The following ASXL3 variants were observed in gnomAD, a reference collection of about 807,000 sequenced individuals.
ASXL3 encodes ASXL transcriptional regulator 3, also known as putative Polycomb group protein ASXL3.
In ASXL3, 34 loss-of-function variants were observed where a neutral mutation model predicts 170.6. The ratio of observed to expected loss-of-function variants is 0.20; its 90% CI spans 0.15 to 0.27. The LOEUF is 0.27. Among genes scored for constraint, ASXL3 ranks in the 10% least tolerant of loss-of-function variants. ASXL3 has a pLI of 1.00. For synonymous variants in ASXL3, 1,002 were observed against 989.1 expected (o/e 1.01, Z -0.24); for missense variants, 2,592 against 2,695.3 (o/e 0.96, Z 0.85).
At chr18:33,713,644 G>A (rs1247735453) in intron 8 of ASXL3, among the ~76,000 whole-genome samples, 1 of 152,192 alleles carries the variant, frequency 6.6e-6, no homozygotes, top group African/African-American at 2.4e-5. Flanking sequence ...GTTCTAGGAT[G>A]TCAGCAGTCA....
Position 33,740,434 on chromosome 18 carries a change from C to A in ASXL3, c.3030C>A (p.Pro1010=). The change falls in exon 11 of 12, where the codon CCC becomes CCA. Residue 1010 remains proline (P), a synonymous_variant. Transcript: ENST00000269197. ...EQPPREEPRV[P]PLKIQLSKIG... ...CTCCCAGAGAGGAACCAAGGGTTCC[C>A]CCTCTCAAGGTATGGTATTAAATAA... The A allele has an allele frequency of 1.3e-6, 2 of 1,568,742 alleles. No homozygotes were observed. Among genetic ancestry groups the A allele is most frequent in the Non-Finnish European group, 8.6e-7 (1 of 1,163,692 alleles).
chr18:33,642,823 A>C (rs1399641435), intron 2 of ASXL3, among the ~76,000 whole-genome samples: 1 of 151,934 alleles, frequency 6.6e-6, no homozygotes, highest in South Asian at 2.1e-4. Flanking sequence ...TTAGCTTGCT[A>C]TACCTTAGAA....
intron 4 of ASXL3, among the ~76,000 whole-genome samples, chr18:33,647,620 A>G (rs988464564): frequency 2.0e-5 from 3 of 152,004 alleles, no homozygotes; most frequent in African/African-American, 4.8e-5. Flanking sequence ...TCTTAACTGC[A>G]GTTGCTCCTA....
intron 2 of ASXL3, among the ~76,000 whole-genome samples, chr18:33,621,345 A>T (rs1403540358): frequency 6.6e-6 from 1 of 152,184 alleles, no homozygotes; most frequent in Non-Finnish European, 1.5e-5. Context: ...AGAAAGAAGG[A>T]TCAATGTTCT....
intron 7 of ASXL3, among the ~76,000 whole-genome samples, chr18:33,679,641 A>G (rs966489383): frequency 1.3e-5 from 2 of 152,082 alleles, no homozygotes; most frequent in Non-Finnish European, 2.9e-5. Context: ...GCCATTTACA[A>G]TTTGTGCTTT....
At chr18:33,676,950 A>G (rs2066440058) in intron 7 of ASXL3, among the ~76,000 whole-genome samples, 1 of 152,186 alleles carries the variant, frequency 6.6e-6, no homozygotes. Flanking sequence ...CTACATCTTG[A>G]TATCTTACAA....
chr18:33,630,682 T>C (rs1041894346), intron 2 of ASXL3, among the ~76,000 whole-genome samples: 1 of 151,986 alleles, frequency 6.6e-6, no homozygotes, highest in South Asian at 2.1e-4. Context: ...GACATTCTGC[T>C]GATCAAGGAA....
In ASXL3 at chr18:33,684,140, T is replaced by G. The variant is rs2066555704; in HGVS notation, c.879+572T>G. Among the ~76,000 whole-genome samples, 4 of 152,286 alleles carry G rather than the reference T, an allele frequency of 2.6e-5. 1 individual carries two copies. The South Asian group carries it at 6.2e-4, about 24-fold the overall frequency. On this transcript the variant is annotated intron_variant, in intron 8 of 11. Transcript: ENST00000269197. The stretch of plus-strand genomic sequence containing the variant: ...AGGAAATACAAATATAGACCCATAA[T>G]GGCAGCCATCAATCATCTTTTAAAG...
rs377468669 is a variant in ASXL3 at position 33,578,582 on chromosome 18, C to G, written c.-50C>G. On this transcript the variant is annotated 5_prime_UTR_variant, in exon 1 of 12. Coordinates refer to ENST00000269197, the MANE Select transcript of ASXL3 (RefSeq NM_030632.3). ...TGTCTCCGCGCCCGAACCCCGAGCA[C>G]CCCGTGGAATCCCCCACGTCATCAT... 9.3e-6 allele frequency: 11 copies of G among 1,180,848 alleles called. No individual in the cohort carries two copies. In the African/African-American group the frequency reaches 1.8e-4, roughly 19 times the overall value. The allele number at this position is 1,180,848 out of a possible 1,614,324, so 73.1% of individuals were successfully genotyped here.
intron 1 of ASXL3, among the ~76,000 whole-genome samples, chr18:33,597,862 TG>T (rs2065144804): frequency 6.6e-6 from 1 of 151,842 alleles, no homozygotes. Flanking sequence ...TGAAATTAAA[TG>T]TCTTAACATA....
chr18:33,652,602 G>GGAAAAAAAAAAAAAAAAA (rs1568306044), intron 4 of ASXL3, among the ~76,000 whole-genome samples: 1 of 31,576 alleles, frequency 3.2e-5, no homozygotes, highest in African/African-American at 1.5e-4. Context: ...TTCTGTTGGG[G>GGAAAAAAAAAAAAAAAAA]CAAAAAAAAA....
At chr18:33,640,715 A>G (rs895655355) in intron 2 of ASXL3, among the ~76,000 whole-genome samples, 3 of 152,076 alleles carry the variant, frequency 2.0e-5, no homozygotes, top group Admixed American at 2.0e-4. Context: ...ATTTTCTCAA[A>G]GCTAACATTT....
At chr18:33,685,252 G>T (rs1268810241) in intron 8 of ASXL3, among the ~76,000 whole-genome samples, 1 of 152,148 alleles carries the variant, frequency 6.6e-6, no homozygotes, top group Non-Finnish European at 1.5e-5. Context: ...GATTTTCGAG[G>T]ATTGAATTGA....
chr18:33,711,669 C>T (rs1008516619), intron 8 of ASXL3, among the ~76,000 whole-genome samples: 15 of 152,108 alleles, frequency 9.9e-5, no homozygotes, highest in Non-Finnish European at 1.5e-4. Flanking sequence ...TGGTTGTTTG[C>T]GCACAGATCC....
In ASXL3 at chr18:33,658,914, T is replaced by C. The variant is rs75283812; in HGVS notation, c.356-2702T>C. Among the ~76,000 whole-genome samples, 459 of 152,246 alleles carry C rather than the reference T, an allele frequency of 3.0e-3. 3 individuals carry two copies. The highest frequency in any genetic ancestry group is 0.011 in the African/African-American group (444 of 41,570). Reference sequence around the variant, plus strand: ...TTCAACTGTTGTCCTGCCCTCCCTCTGAAATTCTGGGCTCTAAATTGAATA... The same window carrying C: ...TTCAACTGTTGTCCTGCCCTCCCTCCGAAATTCTGGGCTCTAAATTGAATA... On this transcript the variant is annotated intron_variant, in intron 4 of 11. Coordinates refer to ENST00000269197, the MANE Select transcript of ASXL3 (RefSeq NM_030632.3).
At chr18:33,658,368 C>T (rs2066115726) in intron 4 of ASXL3, among the ~76,000 whole-genome samples, 1 of 152,094 alleles carries the variant, frequency 6.6e-6, no homozygotes, top group Non-Finnish European at 1.5e-5. Flanking sequence ...TCTGCACGAA[C>T]CTGCACAGCC....
Position 33,652,603 on chromosome 18 carries a change from C to CAAAAAAAAAAAAAAA in ASXL3, c.355+6263_355+6264insAAAAAAAAAAAAAAA, listed in dbSNP as rs554834298. ...AGTATTTTAAAAGTTTCTGTTGGGG[C>CAAAAAAAAAAAAAAA]AAAAAAAAAAAAAGAACATGAATCT... On this transcript the variant is annotated intron_variant, in intron 4 of 11. Transcript: ENST00000269197. 7.3e-4 allele frequency among the ~76,000 whole-genome samples: 82 copies of CAAAAAAAAAAAAAAA among 112,244 alleles called. 1 individual carries two copies. The highest frequency in any genetic ancestry group is 9.0e-4 in the Non-Finnish European group (51 of 56,840). The allele number at this position is 112,244 out of a possible 152,430, so 73.6% of individuals were successfully genotyped here. A position where few individuals can be genotyped will look rare whatever the true frequency, so the allele number is the denominator to read the frequency against.
chr18:33,589,802 A>G (rs1164520928), intron 1 of ASXL3, among the ~76,000 whole-genome samples: 6 of 152,204 alleles, frequency 3.9e-5, no homozygotes, highest in Non-Finnish European at 8.8e-5. Context: ...TAATAAAAAT[A>G]GCAATAAGAA....
In ASXL3 at chr18:33,607,749, G is replaced by T. The variant is rs912409845; in HGVS notation, c.137+73G>T. ...TGCCACTCGTTGCTAAGCGATAGGTGTATCTAGATTTTGATATTGTAGTTG... is the reference window on the plus strand; with the variant it reads ...TGCCACTCGTTGCTAAGCGATAGGTTTATCTAGATTTTGATATTGTAGTTG... On this transcript the variant is annotated intron_variant, in intron 2 of 11. Transcript: ENST00000269197. 3.6e-6 allele frequency: 4 copies of T among 1,118,024 alleles called. No homozygotes were observed. In the Admixed American group the frequency reaches 7.2e-5, roughly 20 times the overall value. The allele number at this position is 1,118,024 out of a possible 1,614,324, so 69.3% of individuals were successfully genotyped here.
Sources: allele counts gnomAD v4.1 joint callset (sites outside exome capture counted in the v4.1 genomes callset), GRCh38; gene constraint gnomAD v4.1.1; transcripts MANE v1.5; gene names NCBI Gene and HGNC (gene_info 2026-07-23, HGNC 2026-07-21).